The following DACH1 variants were observed in gnomAD, a reference collection of about 807,000 sequenced individuals.
DACH1 encodes the protein dachshund homolog 1.
DACH1 carries 12 observed loss-of-function variants against 54.2 expected under a neutral mutation model. The ratio of observed to expected loss-of-function variants is 0.22; its 90% CI spans 0.14 to 0.36. The LOEUF is 0.36. Ranked by LOEUF, DACH1 falls within the 10% of genes least tolerant of loss-of-function variation. The pLI, the probability that DACH1 is intolerant of heterozygous loss-of-function variation, is 1.00. For synonymous variants in DACH1, 386 were observed against 366.2 expected (o/e 1.05, Z -0.62); for missense variants, 805 against 929.8 (o/e 0.87, Z 1.75).
intron 1 of DACH1, among the ~76,000 whole-genome samples, chr13:71,825,677 C>A (rs1318527198): frequency 6.6e-6 from 1 of 151,962 alleles, no homozygotes; most frequent in Non-Finnish European, 1.5e-5. Context: ...GATAGATACG[C>A]CACATTTTAT....
rs1877442717 is a variant in DACH1, at chr13:71,475,593, T to C, written c.2014+113A>G. The C allele has an allele frequency of 1.1e-5, 14 of 1,242,654 alleles. No homozygotes were observed. In the South Asian group the frequency reaches 1.6e-4, roughly 14 times the overall value. 77.0% of individuals were successfully genotyped at this position (1,242,654 alleles called of 1,614,324 possible). On this transcript the variant is annotated intron_variant, in intron 9 of 10. Coordinates refer to ENST00000613252, the MANE Select transcript of DACH1 (RefSeq NM_080759.6). The stretch of plus-strand genomic sequence containing the variant: ...CCCACCCTGCTTTCAGCTTCAAGTA[T>C]AGCTGAATGAATCACAAGATATAGA...
intron 1 of DACH1, among the ~76,000 whole-genome samples, chr13:71,832,747 G>C (rs1000072748): frequency 1.3e-5 from 2 of 151,830 alleles, no homozygotes; most frequent in Non-Finnish European, 2.9e-5. Flanking sequence ...GTAAGAGAAG[G>C]CATGATATCC....
At chr13:71,652,273 T>G (rs1878739679) in intron 2 of DACH1, among the ~76,000 whole-genome samples, 1 of 152,176 alleles carries the variant, frequency 6.6e-6, no homozygotes, top group Non-Finnish European at 1.5e-5. Context: ...TACTGTCCCT[T>G]TATCTTCCCT....
intron 1 of DACH1, among the ~76,000 whole-genome samples, chr13:71,797,129 T>C (rs777055279): frequency 2.6e-5 from 4 of 152,146 alleles, no homozygotes; most frequent in Non-Finnish European, 4.4e-5. Flanking sequence ...TTACTAATAA[T>C]GGTAGAAATC....
chr13:71,834,021 G>A (rs1445885551), intron 1 of DACH1, among the ~76,000 whole-genome samples: 1 of 151,992 alleles, frequency 6.6e-6, no homozygotes. Context: ...CTTTACAAAA[G>A]TATGGACACA....
Position 71,866,280 on chromosome 13 carries a change from A to AGCTGCTGCTGCTACT in DACH1, c.475_489dup (p.Ser159_Ser163dup), listed in dbSNP as rs1401197998. On this transcript the variant is annotated inframe_insertion, in exon 1 of 11. Coordinates refer to ENST00000613252, the MANE Select transcript of DACH1 (RefSeq NM_080759.6). Reference sequence around the variant, plus strand: ...ACGGGTTTCCCGGGGAGGGGGCCGCAGCTGCTGCTGCTACTGCTGCTGCTG... The same window carrying AGCTGCTGCTGCTACT: ...ACGGGTTTCCCGGGGAGGGGGCCGCAGCTGCTGCTGCTACTGCTGCTGCTGCTACTGCTGCTGCTG... The AGCTGCTGCTGCTACT allele has an allele frequency of 5.1e-6, 8 of 1,583,838 alleles. No homozygotes were observed. The East Asian group carries it at 1.2e-4, about 23-fold the overall frequency.
chr13:71,848,556 T>G (rs1873442594), intron 1 of DACH1, among the ~76,000 whole-genome samples: 1 of 152,116 alleles, frequency 6.6e-6, no homozygotes, highest in Non-Finnish European at 1.5e-5. Context: ...CAGTTTTTTT[T>G]TTTGGAAACA....
chr13:71,486,385 A>G (rs1452303644), intron 7 of DACH1, among the ~76,000 whole-genome samples: 2 of 152,174 alleles, frequency 1.3e-5, no homozygotes, highest in Admixed American at 1.3e-4. Context: ...GAATGTAATT[A>G]CCCATATTAG....
chr13:71,599,150 A>C (rs1874316951), intron 3 of DACH1, among the ~76,000 whole-genome samples: 1 of 152,178 alleles, frequency 6.6e-6, no homozygotes, highest in Non-Finnish European at 1.5e-5. Flanking sequence ...TGATGATATA[A>C]ATAAAAAGAC....
rs756567053 is a variant in DACH1, at chr13:71,866,356, G to T, written c.414C>A (p.Thr138=). ...VASSTPINAS[T]GSSSSSSSSS... ...TGCTACTGCTGCTGCTGCTGCTGCC[G>T]GTGCTGGCGTTGATGGGGGTGCTGG... The change falls in exon 1 of 11, where the codon ACC becomes ACA. Residue 138 remains threonine, a synonymous_variant. Transcript: ENST00000613252. 49 of 1,527,072 alleles carry T rather than the reference G, an allele frequency of 3.2e-5. 1 individual carries two copies. In the South Asian group the frequency reaches 5.4e-4, roughly 17 times the overall value. The allele number at this position is 1,527,072 out of a possible 1,614,324, so 94.6% of individuals were successfully genotyped here.
chr13:71,666,821 A>T (rs1216881772), intron 2 of DACH1, among the ~76,000 whole-genome samples: 2 of 152,080 alleles, frequency 1.3e-5, no homozygotes, highest in Non-Finnish European at 2.9e-5. Flanking sequence ...TTTTTACTAA[A>T]AATACAAAAA....
chr13:71,835,314 A>T (rs1400168711), intron 1 of DACH1, among the ~76,000 whole-genome samples: 1 of 152,130 alleles, frequency 6.6e-6, no homozygotes, highest in East Asian at 1.9e-4. Flanking sequence ...GGACTGGAAG[A>T]AGTAAACTAA....
chr13:71,866,148 G>C lies in DACH1; in HGVS notation c.622C>G (p.Leu208Val). ...VASFTVEGCELICLPQAFDLF... is the reference protein window; with the variant it reads ...VASFTVEGCEVICLPQAFDLF... ...TCGAAAGCCTGGGGCAGGCAGATCAGCTCGCAGCCCTCCACCGTGAAGGAA... is the reference window on the plus strand; with the variant it reads ...TCGAAAGCCTGGGGCAGGCAGATCACCTCGCAGCCCTCCACCGTGAAGGAA... Residue 208 changes from leucine (L) to valine (V), a missense_variant, in exon 1 of 11, where the codon CTG (leucine) becomes GTG (valine). Leu to Val is a conservative substitution (Grantham distance 32). Coordinates refer to ENST00000613252, the MANE Select transcript of DACH1 (RefSeq NM_080759.6). 1 of 1,613,202 alleles carries C rather than the reference G, an allele frequency of 6.2e-7. No homozygotes were observed. The highest frequency in any genetic ancestry group is 1.1e-5 in the South Asian group (1 of 91,000).
intron 1 of DACH1, among the ~76,000 whole-genome samples, chr13:71,852,937 T>C (rs1482206100): frequency 6.6e-6 from 1 of 152,196 alleles, no homozygotes; most frequent in Non-Finnish European, 1.5e-5. Context: ...CTGGAAAGGA[T>C]GAGAGCTGGG....
chr13:71,686,401 CA>C (rs1258663103), intron 1 of DACH1, among the ~76,000 whole-genome samples: 1 of 152,118 alleles, frequency 6.6e-6, no homozygotes, highest in Non-Finnish European at 1.5e-5. Context: ...GACAGATCGC[CA>C]GGGGGGTCTT....
At chr13:71,761,324 A>C (rs1329932519) in intron 1 of DACH1, among the ~76,000 whole-genome samples, 1 of 152,172 alleles carries the variant, frequency 6.6e-6, no homozygotes, top group Admixed American at 6.6e-5. Flanking sequence ...CAATGTGTAT[A>C]ATAGCACCAT....
chr13:71,725,989 G>GAA (rs1481923469), intron 1 of DACH1, among the ~76,000 whole-genome samples: 1 of 152,198 alleles, frequency 6.6e-6, no homozygotes, highest in East Asian at 1.9e-4. Context: ...TCCCCTTGGA[G>GAA]AACCTGTTGA....
chr13:71,487,998 G>C (rs1593773796), intron 7 of DACH1, among the ~76,000 whole-genome samples: 1 of 151,916 alleles, frequency 6.6e-6, no homozygotes, highest in South Asian at 2.1e-4. Flanking sequence ...ATACAGTTCT[G>C]GAGACTCTAA....
At chr13:71,561,542 A>C (rs918193544) in intron 4 of DACH1, among the ~76,000 whole-genome samples, 2 of 152,174 alleles carry the variant, frequency 1.3e-5, no homozygotes, top group African/African-American at 4.8e-5. Context: ...TAGAAAGCGA[A>C]GGATTCTACC....
Sources: allele counts gnomAD v4.1 joint callset (sites outside exome capture counted in the v4.1 genomes callset), GRCh38; gene constraint gnomAD v4.1.1; transcripts MANE v1.5; gene names NCBI Gene and HGNC (gene_info 2026-07-23, HGNC 2026-07-21).